The following PIK3C2G variants were observed in gnomAD, a reference collection of about 807,000 sequenced individuals.
PIK3C2G encodes the protein phosphatidylinositol-4-phosphate 3-kinase catalytic subunit type 2 gamma, also known as phosphatidylinositol 3-kinase C2 domain-containing subunit gamma.
PIK3C2G carries 168 observed loss-of-function variants against 181.1 expected under a neutral mutation model. That is an observed-to-expected ratio of 0.93 (90% CI 0.82 to 1.05). The LOEUF (loss-of-function observed/expected upper bound fraction) is 1.05, where lower values mean the gene tolerates loss of function less well. Among genes scored for constraint, PIK3C2G ranks in the 50% least tolerant of loss-of-function variants. The pLI is 0.00. For missense variants in PIK3C2G, 1,869 were observed against 1,732.8 expected (o/e 1.08, Z -1.40); for synonymous variants, 573 against 592.2 (o/e 0.97, Z 0.47).
At chr12:18,674,356 A>G in the PIK3C2G span, among the ~76,000 whole-genome samples, 2 of 151,978 alleles carry the variant, frequency 1.3e-5, no homozygotes, top group African/African-American at 4.8e-5. Context: ...AAAATTTTGT[A>G]TGTTTGTTTT....
chr12:18,452,862 T>C (rs534678441), intron 18 of PIK3C2G, among the ~76,000 whole-genome samples: 27 of 152,340 alleles, frequency 1.8e-4, no homozygotes, highest in African/African-American at 6.0e-4. Flanking sequence ...AGTTTCCATG[T>C]AGTTGTCCAG....
intron 5 of PIK3C2G, among the ~76,000 whole-genome samples, chr12:18,294,756 G>A (rs1054996446): frequency 6.6e-6 from 1 of 151,848 alleles, no homozygotes; most frequent in Non-Finnish European, 1.5e-5. Flanking sequence ...AAGTATTAAA[G>A]ACTAAAACGT....
chr12:18,706,213 C>T, the PIK3C2G span, among the ~76,000 whole-genome samples: 14 of 147,930 alleles, frequency 9.5e-5, no homozygotes, highest in Non-Finnish European at 1.0e-4. Flanking sequence ...GCCTGGGTGA[C>T]GGAATGAGAC....
rs141298799 is a variant in PIK3C2G at position 18,376,908 on chromosome 12, T to A, written c.1881-4858T>A. Among the ~76,000 whole-genome samples, 157 of 152,348 alleles carry A rather than the reference T, an allele frequency of 1.0e-3. 2 individuals are homozygous for A. The East Asian group carries it at 0.03, about 29-fold the overall frequency. ...AAGGCCTCCCAAAAAGCTGAGCAGA[T>A]GCCAGCACCATGCTTTCTGTAAAGC... On this transcript the variant is annotated intron_variant, in intron 13 of 32. Coordinates refer to ENST00000538779, the MANE Select transcript of PIK3C2G (RefSeq NM_001288772.2).
intron 29 of PIK3C2G, among the ~76,000 whole-genome samples, chr12:18,576,287 C>A (rs1032124081): frequency 3.9e-5 from 6 of 152,176 alleles, no homozygotes; most frequent in African/African-American, 1.4e-4. Context: ...CTCTTCACTG[C>A]CAGCTCTGGG....
In PIK3C2G at chr12:18,505,360, C is replaced by T; in HGVS notation, c.3222C>T (p.Asp1074=). Reference sequence around the variant, plus strand: ...TAACATTCATCCTGGGAGTATGTGACCGTCACAATGATAATATCATGCTGA... The same window carrying T: ...TAACATTCATCCTGGGAGTATGTGATCGTCACAATGATAATATCATGCTGA... The part of the protein sequence containing the change: ...CVVTFILGVC[D]RHNDNIMLTK... Residue 1074 remains aspartate (D), a synonymous_variant, in exon 24 of 33, where the codon GAC becomes GAT. Transcript: ENST00000538779. 6.2e-7 allele frequency: 1 copy of T among 1,613,140 alleles called. No homozygotes were observed. The highest frequency in any genetic ancestry group is 8.5e-7 in the Non-Finnish European group (1 of 1,179,464).
intron 31 of PIK3C2G, among the ~76,000 whole-genome samples, chr12:18,620,563 TAG>T (rs1948814962): frequency 6.7e-6 from 1 of 150,332 alleles, no homozygotes; most frequent in Admixed American, 6.6e-5. Context: ...GATAGATAGA[TAG>T]ATAGGTAACC....
intron 25 of PIK3C2G, 36 bp from the exon 26 acceptor site, chr12:18,546,287 C>A: frequency 8.2e-7 from 1 of 1,214,466 alleles, no homozygotes; most frequent in Admixed American, 2.0e-5. Flanking sequence ...TTTATTCTGT[C>A]TTCTTTTTGC....
chr12:18,413,961 A>G (rs2135652367), intron 16 of PIK3C2G, among the ~76,000 whole-genome samples: 1 of 152,302 alleles, frequency 6.6e-6, no homozygotes, highest in African/African-American at 2.4e-5. Context: ...ATATCCCAAA[A>G]GAGTGTTTAA....
At chr12:18,480,193 T>C (rs1432547651) in intron 18 of PIK3C2G, among the ~76,000 whole-genome samples, 1 of 152,124 alleles carries the variant, frequency 6.6e-6, no homozygotes, top group Admixed American at 6.5e-5. Flanking sequence ...GGGCTAAAAT[T>C]CCACCTGTTT....
chr12:18,621,507 C>G (rs1592734344), intron 31 of PIK3C2G, among the ~76,000 whole-genome samples: 2 of 151,740 alleles, frequency 1.3e-5, no homozygotes, highest in East Asian at 3.9e-4. Context: ...ATAACTTCGT[C>G]AAGTCAAAGA....
At position 18,560,480 on chromosome 12, in the gene PIK3C2G, A is replaced by G. The variant is rs114743134; in HGVS notation, c.3591-2223A>G. Among the ~76,000 whole-genome samples, 878 of 152,124 alleles carry G rather than the reference A, an allele frequency of 5.8e-3. 5 individuals are homozygous for G. Among genetic ancestry groups the G allele is most frequent in the African/African-American group, 0.02 (837 of 41,534 alleles). Reference sequence around the variant, plus strand: ...AGAAAGGAAGTGACTGAACCCAAGAAAGAATTAGAAATAAAAGAAAACATG... The same window carrying G: ...AGAAAGGAAGTGACTGAACCCAAGAGAGAATTAGAAATAAAAGAAAACATG... On this transcript the variant is annotated intron_variant, in intron 26 of 32. Coordinates refer to ENST00000538779, the MANE Select transcript of PIK3C2G (RefSeq NM_001288772.2).
intron 25 of PIK3C2G, among the ~76,000 whole-genome samples, chr12:18,539,252 TAAC>T (rs1405772765): frequency 2.6e-5 from 4 of 151,960 alleles, no homozygotes; most frequent in African/African-American, 7.2e-5. Context: ...TAAATGAAGA[TAAC>T]AACATCTACC....
chr12:18,362,366 G>C (rs1331460059), intron 11 of PIK3C2G, among the ~76,000 whole-genome samples: 3 of 152,148 alleles, frequency 2.0e-5, no homozygotes, highest in Non-Finnish European at 4.4e-5. Flanking sequence ...TCCTTGGTGG[G>C]AAGCCAGAAG....
intron 24 of PIK3C2G, among the ~76,000 whole-genome samples, chr12:18,507,011 A>G (rs1394050903): frequency 4.6e-5 from 7 of 151,610 alleles, no homozygotes; most frequent in African/African-American, 1.7e-4. Flanking sequence ...TTTACCACAT[A>G]TTCATTCACT....
chr12:18,440,176 G>A (rs532807913), intron 18 of PIK3C2G, among the ~76,000 whole-genome samples: 3 of 152,126 alleles, frequency 2.0e-5, no homozygotes, highest in East Asian at 1.9e-4. Flanking sequence ...TTGGATAGCC[G>A]TGTGAATTCA....
chr12:18,247,102 C>T (rs11043979), upstream of PIK3C2G, among the ~76,000 whole-genome samples: 93,898 of 152,034 alleles, frequency 0.62, 29,419 homozygotes, highest in East Asian at 0.93. Flanking sequence ...GTGTTCATTA[C>T]TGATGTCTAA....
chr12:18,281,757 C>A (rs550049927), intron 1 of PIK3C2G, among the ~76,000 whole-genome samples: 17 of 152,030 alleles, frequency 1.1e-4, no homozygotes, highest in Non-Finnish European at 2.9e-5. Context: ...ATGAAACTTT[C>A]ATTAAAATTG....
intron 24 of PIK3C2G, among the ~76,000 whole-genome samples, chr12:18,532,317 TTCTAG>T (rs1943599795): frequency 1.3e-5 from 2 of 152,290 alleles, no homozygotes; most frequent in South Asian, 4.1e-4. Flanking sequence ...AAATATTATC[TTCTAG>T]TCTATAGTTT....
Sources: gnomAD v4.1 joint callset for allele counts (sites outside exome capture counted in the v4.1 genomes callset) on GRCh38, gnomAD v4.1.1 for gene constraint, MANE v1.5 for transcripts, NCBI Gene and HGNC (gene_info 2026-07-23, HGNC 2026-07-21) for gene names.